Variants in FRMD4A observed in about 807,000 individuals in gnomAD.
The protein encoded by FRMD4A is FERM domain-containing protein 4A.
Under a neutral mutation model 129.1 loss-of-function variants are expected in FRMD4A, and 29 were observed. The ratio of observed to expected loss-of-function variants is 0.22; its 90% CI spans 0.17 to 0.31. FRMD4A has a LOEUF of 0.31. FRMD4A is among the 10% of genes least tolerant of loss of function. The probability of loss-of-function intolerance (pLI) is 1.00; values close to 1 mark genes in which losing one functional copy is unlikely to be tolerated. For synonymous variants in FRMD4A, 634 were observed against 571.6 expected (o/e 1.11, Z -1.56); for missense variants, 1,272 against 1,375.8 (o/e 0.92, Z 1.19).
intron 2 of FRMD4A, among the ~76,000 whole-genome samples, chr10:13,911,012 C>G: frequency 6.6e-6 from 1 of 150,440 alleles, no homozygotes; most frequent in Non-Finnish European, 1.5e-5. Flanking sequence ...AAATTGTATT[C>G]TAGGTATATC....
intron 2 of FRMD4A, among the ~76,000 whole-genome samples, chr10:14,070,020 A>T (rs1467340372): frequency 1.3e-5 from 2 of 152,146 alleles, no homozygotes; most frequent in African/African-American, 4.8e-5. Context: ...CTTCACCAGG[A>T]TGTTCTTGGT....
At chr10:13,963,378 A>G (rs549590753) in intron 2 of FRMD4A, among the ~76,000 whole-genome samples, 1 of 152,220 alleles carries the variant, frequency 6.6e-6, no homozygotes, top group South Asian at 2.1e-4. Context: ...TCGCTCTTTA[A>G]AACATACATT....
intron 2 of FRMD4A, among the ~76,000 whole-genome samples, chr10:13,913,575 A>C (rs1043953929): frequency 6.6e-6 from 1 of 152,156 alleles, no homozygotes; most frequent in Admixed American, 6.5e-5. Flanking sequence ...CATTCACATA[A>C]GGGTCCAGCC....
At chr10:14,164,448 G>A (rs1041397295) in intron 2 of FRMD4A, among the ~76,000 whole-genome samples, 1 of 152,168 alleles carries the variant, frequency 6.6e-6, no homozygotes, top group African/African-American at 2.4e-5. Context: ...CTACAGTAAG[G>A]CTATTCAGGT....
chr10:13,651,704 G>A, intron 24 of FRMD4A, 199 bp downstream of exon 24: 1 of 582,968 alleles, frequency 1.7e-6, no homozygotes, highest in African/African-American at 1.9e-5. Context: ...GTCTTTTCTG[G>A]GAAGCAGTGT....
chr10:14,264,665 T>C (rs1361454170), intron 2 of FRMD4A, among the ~76,000 whole-genome samples: 1 of 152,254 alleles, frequency 6.6e-6, no homozygotes, highest in East Asian at 1.9e-4. Flanking sequence ...TTAAAATATC[T>C]ATTGTTTTAA....
At chr10:14,325,124 T>C (rs903295743) in intron 2 of FRMD4A, among the ~76,000 whole-genome samples, 1 of 152,196 alleles carries the variant, frequency 6.6e-6, no homozygotes, top group African/African-American at 2.4e-5. Flanking sequence ...TTGAAAAACA[T>C]AGAGATTATT....
At chr10:13,822,843 C>A (rs2093649353) in intron 3 of FRMD4A, among the ~76,000 whole-genome samples, 1 of 152,136 alleles carries the variant, frequency 6.6e-6, no homozygotes, top group Non-Finnish European at 1.5e-5. Flanking sequence ...CTCCCCAAAC[C>A]AACAAAGTCA....
At chr10:14,278,034 C>T (rs1845400179) in intron 2 of FRMD4A, among the ~76,000 whole-genome samples, 2 of 152,174 alleles carry the variant, frequency 1.3e-5, no homozygotes, top group African/African-American at 4.8e-5. Context: ...GCCTGAGCTG[C>T]CCACCAAGCT....
intron 3 of FRMD4A, among the ~76,000 whole-genome samples, chr10:13,827,160 G>A (rs774606676): frequency 2.0e-5 from 3 of 152,182 alleles, no homozygotes; most frequent in African/African-American, 2.4e-5. Flanking sequence ...CTCTGTGGAG[G>A]GAGATCTCGC....
At chr10:13,748,913 C>T (rs777140990) in intron 8 of FRMD4A, among the ~76,000 whole-genome samples, 4 of 152,148 alleles carry the variant, frequency 2.6e-5, no homozygotes, top group African/African-American at 9.7e-5. Context: ...TTTATGCATC[C>T]GGTCCTGAAA....
chr10:14,007,992 A>T, intron 2 of FRMD4A: 1 of 1,281,868 alleles, frequency 7.8e-7, no homozygotes, highest in Non-Finnish European at 1.0e-6. Context: ...AACGCGGTAT[A>T]CAATGAAAAC....
intron 2 of FRMD4A, among the ~76,000 whole-genome samples, chr10:14,325,621 A>G (rs1354399294): frequency 6.6e-6 from 1 of 152,246 alleles, no homozygotes. Flanking sequence ...GACGTCCTGT[A>G]AATTTCTCAT....
At chr10:13,778,372 A>C (rs769035851) in intron 6 of FRMD4A, among the ~76,000 whole-genome samples, 3 of 151,996 alleles carry the variant, frequency 2.0e-5, no homozygotes, top group Middle Eastern at 3.4e-3. Flanking sequence ...TTTTCCCTCC[A>C]TTCGGCAAAA....
chr10:13,990,393 G>C (rs151083023), intron 2 of FRMD4A, among the ~76,000 whole-genome samples: 1 of 152,202 alleles, frequency 6.6e-6, no homozygotes, highest in South Asian at 2.1e-4. Context: ...GCCCAGAGAC[G>C]TGCCTTCCTC....
rs531828523 is a variant in FRMD4A at position 13,968,620 on chromosome 10, T to G, written c.46-109708A>C. Among the ~76,000 whole-genome samples, 5 of 152,250 alleles carry G rather than the reference T, an allele frequency of 3.3e-5. No homozygotes were observed. In the South Asian group the frequency reaches 1.0e-3, roughly 32 times the overall value. On this transcript the variant is annotated intron_variant, in intron 2 of 24. Transcript: ENST00000357447. The stretch of plus-strand genomic sequence containing the variant: ...AGCATGTGCCACCATGCCCGGCTAA[T>G]TTTTTGTATTTTTAGTAGAGATGGG...
At chr10:13,700,032 G>A (rs774230272) in intron 14 of FRMD4A, among the ~76,000 whole-genome samples, 12 of 152,132 alleles carry the variant, frequency 7.9e-5, no homozygotes, top group South Asian at 2.1e-4. Flanking sequence ...ATAAAATGAC[G>A]GCTGCGGGGG....
chr10:13,884,171 CA>C (rs2094584909), intron 2 of FRMD4A, among the ~76,000 whole-genome samples: 2 of 29,940 alleles, frequency 6.7e-5, no homozygotes, highest in Non-Finnish European at 1.6e-4. Flanking sequence ...CACACACTCA[CA>C]CACTCACACA....
In FRMD4A at chr10:14,306,386, G is replaced by A. The variant is rs542256801; in HGVS notation, c.45+23672C>T. On this transcript the variant is annotated intron_variant, in intron 2 of 24. Coordinates refer to ENST00000357447, the MANE Select transcript of FRMD4A (RefSeq NM_018027.5). ...ATCGTGGGAAAGTAAAAGTTTACCC[G>A]AGAGAAGCCCACAGATGCTCCAAAA... Among the ~76,000 whole-genome samples, 10 of 152,282 alleles carry A rather than the reference G, an allele frequency of 6.6e-5. No individual in the cohort carries two copies. In the East Asian group the frequency reaches 7.7e-4, roughly 12 times the overall value.
Sources: allele counts gnomAD v4.1 joint callset (sites outside exome capture counted in the v4.1 genomes callset), GRCh38; gene constraint gnomAD v4.1.1; transcripts MANE v1.5; gene names NCBI Gene and HGNC (gene_info 2026-07-23, HGNC 2026-07-21).